Variants in KDM2B observed in about 807,000 individuals in gnomAD.
KDM2B encodes lysine demethylase 2B, also known as lysine-specific demethylase 2B.
In KDM2B, 26 loss-of-function variants were observed where a neutral mutation model predicts 150.0. The observed-to-expected ratio is 0.17, with a 90% confidence interval of 0.13 to 0.24. The LOEUF (loss-of-function observed/expected upper bound fraction) is 0.24, where lower values mean the gene tolerates loss of function less well. Among genes scored for constraint, KDM2B ranks in the 10% least tolerant of loss-of-function variants. The probability of loss-of-function intolerance (pLI) is 1.00; values close to 1 mark genes in which losing one functional copy is unlikely to be tolerated. For missense variants in KDM2B, 1,265 were observed against 1,816.9 expected (o/e 0.70, Z 5.52); for synonymous variants, 734 against 729.5 (o/e 1.01, Z -0.10).
intron 4 of KDM2B, among the ~76,000 whole-genome samples, chr12:121,553,241 A>AC (rs1265144958): frequency 6.6e-5 from 10 of 150,924 alleles, no homozygotes; most frequent in African/African-American, 2.2e-4. Context: ...AAAAAAAAAA[A>AC]AGAAAGAAAG....
At chr12:121,461,823 G>GT (rs1879159447) in intron 12 of KDM2B, among the ~76,000 whole-genome samples, 1 of 152,164 alleles carries the variant, frequency 6.6e-6, no homozygotes, top group Non-Finnish European at 1.5e-5. Context: ...AGGGGGAATG[G>GT]AAGAGTGAAA....
chr12:121,547,136 C>G (rs1405854120), intron 6 of KDM2B, among the ~76,000 whole-genome samples: 1 of 152,164 alleles, frequency 6.6e-6, no homozygotes, highest in Non-Finnish European at 1.5e-5. Context: ...ACGCGAGGCA[C>G]AGCACTTTCT....
At chr12:121,435,120 G>A (rs1341089539) in intron 22 of KDM2B, among the ~76,000 whole-genome samples, 1 of 151,494 alleles carries the variant, frequency 6.6e-6, no homozygotes, top group African/African-American at 2.4e-5. Context: ...GACTACTTGA[G>A]CCCAGGGGTT....
chr12:121,569,830 C>A (rs1555315635), intron 4 of KDM2B, among the ~76,000 whole-genome samples: 1 of 149,978 alleles, frequency 6.7e-6, no homozygotes, highest in Non-Finnish European at 1.5e-5. Flanking sequence ...TTTTTCTTTT[C>A]TTTCTTTCTT....
In KDM2B at chr12:121,518,562, C is replaced by T. The variant is rs146327801; in HGVS notation, c.1047+2423G>A. 7.8e-3 allele frequency among the ~76,000 whole-genome samples: 1,195 copies of T among 152,264 alleles called. 11 individuals carry two copies. The highest frequency in any genetic ancestry group is 0.028 in the African/African-American group (1,147 of 41,532). On this transcript the variant is annotated intron_variant, in intron 9 of 22. Transcript: ENST00000377071. This position sits in a 1 kb window ranked among gnomAD's most constrained non-coding sequence, Gnocchi z 4.4. ...TTCTCAACGAGGACGTGATATTCCA[C>T]GTAAGCTCAGTGTGATGCTCAGGGG...
At chr12:121,420,937 A>G in the KDM2B span, among the ~76,000 whole-genome samples, 1 of 152,176 alleles carries the variant, frequency 6.6e-6, no homozygotes, top group East Asian at 1.9e-4. Context: ...TAGATCTGGA[A>G]AGGAGTAACT....
chr12:121,458,971 A>G (rs576816453), intron 12 of KDM2B, among the ~76,000 whole-genome samples: 2 of 151,902 alleles, frequency 1.3e-5, no homozygotes, highest in East Asian at 3.9e-4. Context: ...CTGTAGTCCC[A>G]GCTACTCAGG....
chr12:121,421,385 A>C, the KDM2B span, among the ~76,000 whole-genome samples: 10 of 147,272 alleles, frequency 6.8e-5, no homozygotes, highest in African/African-American at 7.3e-5. Context: ...AAAAAAAAAA[A>C]AAAAAAAAAA....
intron 2 of KDM2B, among the ~76,000 whole-genome samples, chr12:121,578,126 T>C (rs972533043): frequency 1.3e-5 from 2 of 152,292 alleles, no homozygotes; most frequent in South Asian, 4.1e-4. Context: ...TGAAGGGAAG[T>C]CACCCCCTGA....
chr12:121,560,828 G>A (rs1179143501), intron 4 of KDM2B, among the ~76,000 whole-genome samples: 4 of 152,176 alleles, frequency 2.6e-5, no homozygotes, highest in Non-Finnish European at 5.9e-5. Flanking sequence ...AAGGGATGGA[G>A]GGGACAGATC....
At chr12:121,427,449 G>C (rs782745811), downstream of KDM2B, among the ~76,000 whole-genome samples, 1 of 152,222 alleles carries the variant, frequency 6.6e-6, no homozygotes, top group African/African-American at 2.4e-5. Flanking sequence ...GGCTGAGGCA[G>C]GAGAATTGCT....
chr12:121,432,394 A>G (rs1365414485), intron 22 of KDM2B, among the ~76,000 whole-genome samples: 1 of 152,178 alleles, frequency 6.6e-6, no homozygotes, highest in Non-Finnish European at 1.5e-5. Context: ...GATTTTACTA[A>G]TATGTTTATT....
chr12:121,567,706 CTTTTTTTTTT>C (rs1180847689), intron 4 of KDM2B, among the ~76,000 whole-genome samples: 2 of 120,934 alleles, frequency 1.7e-5, no homozygotes, highest in African/African-American at 6.5e-5. Flanking sequence ...AAATACATTT[CTTTTTTTTTT>C]TTTTTTTTTT....
intron 13 of KDM2B, among the ~76,000 whole-genome samples, chr12:121,447,848 G>A (rs1351557010): frequency 6.6e-6 from 1 of 151,478 alleles, no homozygotes; most frequent in African/African-American, 2.4e-5. Flanking sequence ...GTAGAGATGG[G>A]GTTTCACCAT....
At chr12:121,466,031 G>A (rs1462201632) in intron 12 of KDM2B, among the ~76,000 whole-genome samples, 2 of 151,994 alleles carry the variant, frequency 1.3e-5, no homozygotes, top group East Asian at 3.9e-4. Context: ...CAACAAAGCT[G>A]AGAAAATAAA....
At position 121,580,921 on chromosome 12, in the gene KDM2B, G is replaced by C; in HGVS notation, c.-10C>G. 6.2e-7 allele frequency: 1 copy of C among 1,612,566 alleles called. No homozygotes were observed. Among genetic ancestry groups the C allele is most frequent in the South Asian group, 1.1e-5 (1 of 90,804 alleles). On this transcript the variant is annotated 5_prime_UTR_variant, in exon 1 of 23. Coordinates refer to ENST00000377071, the MANE Select transcript of KDM2B (RefSeq NM_032590.5). ...TTTGCGGACCCGCCATGTGGAGGAGGCATTTGGGGGGCTCAGAAGGAAATT... is the reference window on the plus strand; with the variant it reads ...TTTGCGGACCCGCCATGTGGAGGAGCCATTTGGGGGGCTCAGAAGGAAATT...
At chr12:121,420,508 G>A in the KDM2B span, 4 of 1,581,454 alleles carry the variant, frequency 2.5e-6, no homozygotes, top group Non-Finnish European at 3.5e-6. Flanking sequence ...TTCAGGGCCA[G>A]TGATGAGTTT....
intron 1 of KDM2B, chr12:121,580,366 G>GT (rs1283959569): frequency 9.0e-7 from 1 of 1,106,646 alleles, no homozygotes; most frequent in African/African-American, 1.7e-5. Flanking sequence ...GCTTGGGGGG[G>GT]TGGGGGCGGC....
intron 4 of KDM2B, among the ~76,000 whole-genome samples, chr12:121,566,529 G>C (rs1447295699): frequency 6.6e-6 from 1 of 152,206 alleles, no homozygotes; most frequent in Non-Finnish European, 1.5e-5. Flanking sequence ...GGCTGAGGCA[G>C]GAGAATCGCT....
Sources: allele counts gnomAD v4.1 joint callset (sites outside exome capture counted in the v4.1 genomes callset), GRCh38; gene constraint gnomAD v4.1.1; non-coding constraint Gnocchi (gnomAD v3.1); transcripts MANE v1.5; gene names NCBI Gene and HGNC (gene_info 2026-07-23, HGNC 2026-07-21).